The following FBXL17 variants were observed in gnomAD, a reference collection of about 807,000 sequenced individuals.
FBXL17 encodes the protein F-box and leucine rich repeat protein 17, also known as F-box/LRR-repeat protein 17.
FBXL17 carries 22 observed loss-of-function variants against 66.2 expected under a neutral mutation model. The ratio of observed to expected loss-of-function variants is 0.33; its 90% CI spans 0.24 to 0.47. The LOEUF is 0.47. Ranked by LOEUF, FBXL17 falls within the 20% of genes least tolerant of loss-of-function variation. The probability of loss-of-function intolerance (pLI) is 1.00; values close to 1 mark genes in which losing one functional copy is unlikely to be tolerated. For missense variants in FBXL17, 878 were observed against 948.2 expected (o/e 0.93, Z 0.97); for synonymous variants, 474 against 400.5 (o/e 1.18, Z -2.19).
chr5:108,001,464 T>G (rs958087920), intron 7 of FBXL17, among the ~76,000 whole-genome samples: 1 of 152,174 alleles, frequency 6.6e-6, no homozygotes, highest in African/African-American at 2.4e-5. Flanking sequence ...TATATTTATT[T>G]GGCTGAAAAT....
intron 5 of FBXL17, among the ~76,000 whole-genome samples, chr5:108,189,904 C>A (rs1292785407): frequency 6.6e-6 from 1 of 152,170 alleles, no homozygotes; most frequent in Non-Finnish European, 1.5e-5. Flanking sequence ...GAACTGAATT[C>A]TTCAAGCCAC....
At chr5:108,189,959 C>T (rs1753404165) in intron 5 of FBXL17, among the ~76,000 whole-genome samples, 1 of 152,160 alleles carries the variant, frequency 6.6e-6, no homozygotes, top group Non-Finnish European at 1.5e-5. Context: ...AGAAATACAG[C>T]CCCAGTTGAG....
At chr5:108,075,224 C>T (rs1748496985) in intron 6 of FBXL17, among the ~76,000 whole-genome samples, 1 of 151,850 alleles carries the variant, frequency 6.6e-6, no homozygotes, top group African/African-American at 2.4e-5. Flanking sequence ...TTAAAAGCTA[C>T]CTATCTAAAT....
At chr5:108,069,767 G>A (rs1319975239) in intron 6 of FBXL17, among the ~76,000 whole-genome samples, 1 of 152,168 alleles carries the variant, frequency 6.6e-6, no homozygotes, top group Non-Finnish European at 1.5e-5. Flanking sequence ...AATAAGAGCT[G>A]ACAACTCCTT....
intron 7 of FBXL17, among the ~76,000 whole-genome samples, chr5:107,930,124 T>C (rs1226181823): frequency 6.6e-6 from 1 of 152,168 alleles, no homozygotes; most frequent in Admixed American, 6.6e-5. Context: ...GTAATTCTGA[T>C]CTTACTTCTC....
chr5:108,142,440 G>A (rs1751385984), intron 6 of FBXL17, among the ~76,000 whole-genome samples: 1 of 152,094 alleles, frequency 6.6e-6, no homozygotes, highest in Admixed American at 6.6e-5. Flanking sequence ...AAATCAGTTG[G>A]ACTTGAATTT....
intron 7 of FBXL17, among the ~76,000 whole-genome samples, chr5:108,006,432 CAGGG>C (rs935762536): frequency 6.6e-6 from 1 of 152,128 alleles, no homozygotes; most frequent in African/African-American, 2.4e-5. Flanking sequence ...AGTGAAGCAT[CAGGG>C]AGATCAAAGT....
chr5:108,251,109 G>C (rs1167524172), intron 4 of FBXL17, among the ~76,000 whole-genome samples: 2 of 152,134 alleles, frequency 1.3e-5, no homozygotes, highest in African/African-American at 4.8e-5. Flanking sequence ...ATTTCTTGCA[G>C]TCCAACTCTC....
intron 7 of FBXL17, among the ~76,000 whole-genome samples, chr5:107,989,298 C>A (rs1382463600): frequency 6.6e-6 from 1 of 152,028 alleles, no homozygotes; most frequent in Non-Finnish European, 1.5e-5. Flanking sequence ...TCCCTACCCC[C>A]TTCCCAGTCT....
intron 4 of FBXL17, among the ~76,000 whole-genome samples, chr5:108,276,985 C>T (rs1757508887): frequency 1.3e-5 from 2 of 151,708 alleles, no homozygotes; most frequent in South Asian, 4.1e-4. Flanking sequence ...CTTCAGACAT[C>T]TTTATGTGAG....
rs114256056 is a variant in FBXL17, at chr5:108,091,424, T to A, written c.1746-70423A>T. Among the ~76,000 whole-genome samples the A allele has an allele frequency of 3.9e-3, 590 of 152,378 alleles. 5 individuals are homozygous for A. Among genetic ancestry groups the A allele is most frequent in the African/African-American group, 0.014 (574 of 41,594 alleles). On this transcript the variant is annotated intron_variant, in intron 6 of 8. Coordinates refer to ENST00000542267, the MANE Select transcript of FBXL17 (RefSeq NM_001163315.3). ...CAAAAGATCGCATTTCTCTGTTTTC[T>A]ATGTTGGTGTTGTGCACGCACTTTG...
intron 4 of FBXL17, among the ~76,000 whole-genome samples, chr5:108,311,505 T>A (rs1561522445): frequency 6.6e-6 from 1 of 152,140 alleles, no homozygotes; most frequent in Non-Finnish European, 1.5e-5. Context: ...ATTCTCTTCA[T>A]GTTCTTTACT....
At chr5:108,066,583 G>A (rs754244702) in intron 6 of FBXL17, among the ~76,000 whole-genome samples, 1 of 151,884 alleles carries the variant, frequency 6.6e-6, no homozygotes, top group Non-Finnish European at 1.5e-5. Flanking sequence ...TGTAAAATAG[G>A]TTTCAAGTGT....
At chr5:107,883,870 G>GTCT (rs1157866759) in intron 7 of FBXL17, among the ~76,000 whole-genome samples, 1 of 152,206 alleles carries the variant, frequency 6.6e-6, no homozygotes, top group Non-Finnish European at 1.5e-5. Flanking sequence ...GCTGAGTTAG[G>GTCT]TCTTGAAGGA....
intron 6 of FBXL17, among the ~76,000 whole-genome samples, chr5:108,091,907 CA>C (rs1487313506): frequency 6.6e-6 from 1 of 152,082 alleles, no homozygotes; most frequent in East Asian, 1.9e-4. Flanking sequence ...ATGTGGATAG[CA>C]AAATGAAATA....
At chr5:108,308,513 C>T (rs116296695) in intron 4 of FBXL17, among the ~76,000 whole-genome samples, 1,705 of 152,108 alleles carry the variant, frequency 0.011, 48 homozygotes, top group African/African-American at 0.039. Flanking sequence ...GTATATTCTG[C>T]GGTCAAAACA....
intron 7 of FBXL17, among the ~76,000 whole-genome samples, chr5:107,947,332 C>CA (rs1751346446): frequency 6.6e-6 from 1 of 152,242 alleles, no homozygotes; most frequent in African/African-American, 2.4e-5. Flanking sequence ...TAACATGGCA[C>CA]AGGCCTTGCC....
At chr5:108,159,107 A>G (rs1752109139) in intron 6 of FBXL17, among the ~76,000 whole-genome samples, 2 of 152,162 alleles carry the variant, frequency 1.3e-5, no homozygotes, top group African/African-American at 4.8e-5. Flanking sequence ...GAGAATAAAG[A>G]TCAGAATGTC....
chr5:107,995,143 T>G lies in FBXL17; in HGVS notation c.1822+25782A>C, dbSNP rs139291367. Among the ~76,000 whole-genome samples the G allele has an allele frequency of 9.5e-3, 1,443 of 152,298 alleles. 23 individuals carry two copies. The highest frequency in any genetic ancestry group is 0.03 in the African/African-American group (1,244 of 41,578). On this transcript the variant is annotated intron_variant, in intron 7 of 8. Coordinates refer to ENST00000542267, the MANE Select transcript of FBXL17 (RefSeq NM_001163315.3). ...CTATATTTACATCAATAAAAAGATT[T>G]TTAAAGCAGAAAAAGAACTAAAAAG...
Sources: allele counts gnomAD v4.1 joint callset (sites outside exome capture counted in the v4.1 genomes callset), GRCh38; gene constraint gnomAD v4.1.1; transcripts MANE v1.5; gene names NCBI Gene and HGNC (gene_info 2026-07-23, HGNC 2026-07-21).